CEP250: variants seen among roughly 807,000 people sequenced by gnomAD.
CEP250 encodes the protein centrosomal protein 250, also known as centrosome-associated protein CEP250.
CEP250 carries 242 observed loss-of-function variants against 315.7 expected under a neutral mutation model. The observed-to-expected ratio is 0.77, with a 90% CI of 0.69 to 0.85. The LOEUF is 0.85. Ranked by LOEUF, CEP250 falls within the 40% of genes least tolerant of loss-of-function variation. The pLI is 0.00. For synonymous variants in CEP250, 1,088 were observed against 1,175.0 expected (o/e 0.93, Z 1.51); for missense variants, 2,515 against 2,886.4 (o/e 0.87, Z 2.95).
Position 35,497,710 on chromosome 20 carries a change from C to G in CEP250, c.3307-9C>G. The G allele has an allele frequency of 2.6e-6, 4 of 1,535,474 alleles. No homozygotes were observed. Among genetic ancestry groups the G allele is most frequent in the Non-Finnish European group, 2.6e-6 (3 of 1,136,424 alleles). On this transcript the variant is annotated splice_polypyrimidine_tract_variant and intron_variant, in intron 25 of 34. Transcript: ENST00000397527. ...CCTGCTTATATTATGTAAAATTCTT[C>G]CTTGACAGATGGAATTACTAAGGCA...
intron 20 of CEP250, 32 bp downstream of exon 20, chr20:35,480,177 C>T (rs760870437): frequency 3.2e-6 from 5 of 1,585,794 alleles, no homozygotes; most frequent in Non-Finnish European, 3.4e-6. Flanking sequence ...GTATGGCCTC[C>T]CTTCCATGAG....
rs2236161 is a variant in CEP250, at chr20:35,513,802, C to A, written c.*2176C>A. The A allele has an allele frequency of 0.32, 48,733 of 152,096 alleles. 8,686 individuals are homozygous for A. The highest frequency in any genetic ancestry group is 0.5 in the South Asian group (2,389 of 4,814). 9.4% of individuals were successfully genotyped at this position (152,096 alleles called of 1,614,324 possible). ...CATCTTAGAGGCTGCCAAGCAGGGT[C>A]TTTATTCAGGACTAGACTAATCTGT... On this transcript the variant is annotated 3_prime_UTR_variant, in exon 35 of 35. Transcript: ENST00000397527.
chr20:35,496,559 T>C lies in CEP250; in HGVS notation c.3168-18T>C, dbSNP rs2063838612. The C allele has an allele frequency of 2.5e-6, 4 of 1,612,410 alleles. No individual in the cohort carries two copies. The highest frequency in any genetic ancestry group is 3.4e-6 in the Non-Finnish European group (4 of 1,178,972). On this transcript the variant is annotated intron_variant, in intron 24 of 34. Transcript: ENST00000397527. The stretch of plus-strand genomic sequence containing the variant: ...TCCCTAAGAGAATGGCCCAGCACTC[T>C]GACCCCTCTCTTTTTAGCCTGACTC...
intron 5 of CEP250, among the ~76,000 whole-genome samples, chr20:35,465,059 A>G (rs893328223): frequency 6.6e-6 from 1 of 152,220 alleles, no homozygotes; most frequent in African/African-American, 2.4e-5. Flanking sequence ...CTGCACAGCA[A>G]CTTTCTGAAG....
intron 10 of CEP250, among the ~76,000 whole-genome samples, chr20:35,470,569 C>G (rs1203286109): frequency 6.6e-6 from 1 of 152,016 alleles, no homozygotes; most frequent in Admixed American, 6.6e-5. Flanking sequence ...GACCAACATG[C>G]AGAAACCCCG....
intron 24 of CEP250, among the ~76,000 whole-genome samples, chr20:35,495,529 G>A (rs2063812499): frequency 6.6e-6 from 1 of 152,106 alleles, no homozygotes; most frequent in South Asian, 2.1e-4. Flanking sequence ...GGAGGCTGAG[G>A]TGGGCAGATC....
intron 1 of CEP250, among the ~76,000 whole-genome samples, chr20:35,456,615 A>G (rs146037497): frequency 4.9e-4 from 74 of 152,198 alleles, no homozygotes; most frequent in Admixed American, 6.5e-4. Context: ...ATCGCTCACT[A>G]TTTAAGAAGT....
Position 35,503,452 on chromosome 20 carries a change from C to G in CEP250, c.5083C>G (p.Arg1695Gly), listed in dbSNP as rs746831149. 5 of 1,614,030 alleles carry G rather than the reference C, an allele frequency of 3.1e-6. No individual in the cohort carries two copies. Among genetic ancestry groups the G allele is most frequent in the Non-Finnish European group, 4.2e-6 (5 of 1,179,992 alleles). Reference protein sequence around the residue: ...LEQIKLSLRERGRELTTQRQL... With the variant: ...LEQIKLSLREGGRELTTQRQL... ...ACAGATCAAGCTGTCCTTGAGAGAGCGAGGCCGGGAGCTGACCACTCAGAG... is the reference window on the plus strand; with the variant it reads ...ACAGATCAAGCTGTCCTTGAGAGAGGGAGGCCGGGAGCTGACCACTCAGAG... The change falls in exon 30 of 35, where the codon CGA becomes GGA. Residue 1695 changes from arginine (R) to glycine (G), a missense_variant. Coordinates refer to ENST00000397527, the MANE Select transcript of CEP250 (RefSeq NM_007186.6). The surrounding 1 kb of genome is among the most constrained non-coding windows in gnomAD (Gnocchi z 4.2).
At chr20:35,494,420 C>A in intron 23 of CEP250, 104 bp from the exon 24 acceptor site, 2 of 1,453,088 alleles carry the variant, frequency 1.4e-6, no homozygotes, top group Non-Finnish European at 1.9e-6. Context: ...GAAATGGCCA[C>A]TGACTATGGT....
chr20:35,498,478 AAG>A (rs2063909393), intron 26 of CEP250, 115 bp from the exon 27 acceptor site: 1 of 1,254,350 alleles, frequency 8.0e-7, no homozygotes, highest in African/African-American at 1.5e-5. Context: ...ACTGCTGAGA[AAG>A]GGGTTCTTTG....
rs1432286514 is a variant in CEP250 at position 35,516,103 on chromosome 20, AG to A, written c.*4479del. 4 of 152,250 alleles carry A rather than the reference AG, an allele frequency of 2.6e-5. No homozygotes were observed. Among genetic ancestry groups the A allele is most frequent in the Non-Finnish European group, 4.4e-5 (3 of 68,116 alleles). The allele number at this position is 152,250 out of a possible 1,614,324, so 9.4% of individuals were successfully genotyped here. A position where few individuals can be genotyped will look rare whatever the true frequency, so the allele number is the denominator to read the frequency against. On this transcript the variant is annotated 3_prime_UTR_variant, in exon 35 of 35. Coordinates refer to ENST00000397527, the MANE Select transcript of CEP250 (RefSeq NM_007186.6). ...CCTTGGCTCAGGTGGATGGGCTTGG[AG>A]GTAAAATAATTGAATGGGTCAGGGG...
intron 30 of CEP250, 63 bp downstream of exon 30, chr20:35,505,068 C>G: frequency 1.4e-6 from 2 of 1,402,346 alleles, no homozygotes; most frequent in Non-Finnish European, 1.9e-6. Context: ...AGCTCAGGGA[C>G]TGCCCACCAC....
intron 20 of CEP250, 121 bp from the exon 21 acceptor site, chr20:35,490,516 T>G (rs2063656059): frequency 1.3e-6 from 1 of 798,706 alleles, no homozygotes; most frequent in South Asian, 2.0e-5. Flanking sequence ...GCAACAGGCT[T>G]AGAGAGGTAC....
At chr20:35,482,317 C>T (rs181971523) in intron 20 of CEP250, among the ~76,000 whole-genome samples, 21 of 152,100 alleles carry the variant, frequency 1.4e-4, no homozygotes, top group African/African-American at 2.6e-4. Flanking sequence ...CTGCAAGGTC[C>T]GCCTCTGGGT....
chr20:35,493,490 C>T lies in CEP250; in HGVS notation c.2951C>T (p.Ala984Val), dbSNP rs2063754172. 7.5e-6 allele frequency: 12 copies of T among 1,609,704 alleles called. No individual in the cohort carries two copies. The highest frequency in any genetic ancestry group is 9.3e-6 in the Non-Finnish European group (11 of 1,178,142). Residue 984 changes from alanine (A) to valine (V), a missense_variant, in exon 23 of 35, where the codon GCC becomes GTC. Physicochemically the swap from Ala to Val is moderately conservative, Grantham distance 64. Coordinates refer to ENST00000397527, the MANE Select transcript of CEP250 (RefSeq NM_007186.6). ...QEAQRELKEAARQHRDDLAAL... is the reference protein window; with the variant it reads ...QEAQRELKEAVRQHRDDLAAL... ...GCTCAACGGGAGCTGAAGGAGGCAG[C>T]CCGGCAGCACAGAGATGACCTTGCT...
rs1366448259 is a variant in CEP250 at position 35,480,078 on chromosome 20, G to C, written c.2519G>C (p.Gly840Ala). Residue 840 changes from glycine (G) to alanine (A), a missense_variant, in exon 20 of 35, where the codon GGG (glycine) becomes GCG (alanine). Transcript: ENST00000397527. ...CAGCTGGCCCAGGCTGAGCAAGAAGGGAAGACTGCCTTGGAGCAGCAGAAG... is the reference window on the plus strand; with the variant it reads ...CAGCTGGCCCAGGCTGAGCAAGAAGCGAAGACTGCCTTGGAGCAGCAGAAG... ...ARQLAQAEQEGKTALEQQKAA... is the reference protein window; with the variant it reads ...ARQLAQAEQEAKTALEQQKAA... 1.5e-5 allele frequency: 24 copies of C among 1,612,866 alleles called. No homozygotes were observed. Among genetic ancestry groups the C allele is most frequent in the Non-Finnish European group, 2.0e-5 (24 of 1,180,050 alleles).
At chr20:35,480,198 G>T in intron 20 of CEP250, 53 bp downstream of exon 20, 5 of 1,523,092 alleles carry the variant, frequency 3.3e-6, no homozygotes, top group South Asian at 1.2e-5. Context: ...TGCTCTACCT[G>T]CTGCCTCTTG....
Position 35,504,572 on chromosome 20 carries a change from G to A in CEP250, c.6203G>A (p.Arg2068Lys). Residue 2068 changes from arginine (R) to lysine (K), a missense_variant, in exon 30 of 35, where the codon AGG becomes AAG. By Grantham distance (26) the Arg-to-Lys change is conservative. Transcript: ENST00000397527. ...CTGCTGGAGAAGTCTCTGGCCCAGA[G>A]GGTCCAAGAGAATATGATCCAAGAG... Reference protein sequence around the residue: ...EQLLEKSLAQRVQENMIQEKQ... With the variant: ...EQLLEKSLAQKVQENMIQEKQ... 2.5e-6 allele frequency: 4 copies of A among 1,614,168 alleles called. No homozygotes were observed. Among genetic ancestry groups the A allele is most frequent in the South Asian group, 1.1e-5 (1 of 91,082 alleles).
At chr20:35,495,900 G>A (rs1179093996) in intron 24 of CEP250, among the ~76,000 whole-genome samples, 1 of 152,174 alleles carries the variant, frequency 6.6e-6, no homozygotes, top group African/African-American at 2.4e-5. Context: ...TAGTGGGGAA[G>A]AGGAGGAGAG....
Sources: gnomAD v4.1 joint callset for allele counts (sites outside exome capture counted in the v4.1 genomes callset) on GRCh38, gnomAD v4.1.1 for gene constraint, Gnocchi (gnomAD v3.1) non-coding constraint, MANE v1.5 for transcripts, NCBI Gene and HGNC (gene_info 2026-07-23, HGNC 2026-07-21) for gene names.